The following CACNB2 variants were observed in gnomAD, a reference collection of about 807,000 sequenced individuals.
The protein encoded by CACNB2 is calcium voltage-gated channel auxiliary subunit beta 2.
A neutral mutation model predicts 73.3 loss-of-function variants in CACNB2; 42 were observed. The observed-to-expected ratio is 0.57, with a 90% CI of 0.45 to 0.74. The LOEUF is 0.74. CACNB2 is among the 30% of genes least tolerant of loss of function. The probability of loss-of-function intolerance (pLI) is 0.00; values close to 1 mark genes in which losing one functional copy is unlikely to be tolerated. For synonymous variants in CACNB2, 348 were observed against 310.3 expected (o/e 1.12, Z -1.28); for missense variants, 940 against 853.0 (o/e 1.10, Z -1.27).
At chr10:18,174,674 G>C (rs887946878) in intron 2 of CACNB2, among the ~76,000 whole-genome samples, 1 of 152,108 alleles carries the variant, frequency 6.6e-6, no homozygotes, top group Admixed American at 6.5e-5. Context: ...AAAGTGCTGA[G>C]ATTACAGGCG....
At chr10:18,458,318 T>G (rs987530244) in intron 3 of CACNB2, among the ~76,000 whole-genome samples, 1 of 152,222 alleles carries the variant, frequency 6.6e-6, no homozygotes, top group Non-Finnish European at 1.5e-5. Context: ...CTAGGAAATG[T>G]GAAAATTTTA....
At chr10:18,220,152 TATACAC>T (rs1564353413) in intron 2 of CACNB2, among the ~76,000 whole-genome samples, 2 of 36,414 alleles carry the variant, frequency 5.5e-5, no homozygotes, top group Non-Finnish European at 1.1e-4. Context: ...TATATATATA[TATACAC>T]ACACACACAC....
At chr10:18,382,075 A>C (rs2043043139) in intron 2 of CACNB2, among the ~76,000 whole-genome samples, 1 of 152,062 alleles carries the variant, frequency 6.6e-6, no homozygotes, top group Non-Finnish European at 1.5e-5. Context: ...ATGTGTTATA[A>C]ATGATATATG....
chr10:18,508,669 G>C (rs886466702), intron 6 of CACNB2, among the ~76,000 whole-genome samples: 1 of 152,116 alleles, frequency 6.6e-6, no homozygotes, highest in Non-Finnish European at 1.5e-5. Context: ...ACTTATGATA[G>C]AGTTACACTT....
intron 2 of CACNB2, among the ~76,000 whole-genome samples, chr10:18,255,555 A>C (rs997884478): frequency 5.3e-5 from 8 of 152,106 alleles, no homozygotes; most frequent in Non-Finnish European, 1.0e-4. Flanking sequence ...TGGTTGTTTT[A>C]CTTGTCGTTT....
Position 18,308,875 on chromosome 10 carries a change from T to C in CACNB2, c.214-93049T>C, listed in dbSNP as rs1331828641. On this transcript the variant is annotated intron_variant, in intron 2 of 13. Coordinates refer to ENST00000324631, the MANE Select transcript of CACNB2 (RefSeq NM_201596.3). The stretch of plus-strand genomic sequence containing the variant: ...GTATCAAATGTCATCAGCTCACTGA[T>C]GTGTATTTGCTGATGTCAGCCAGAA... 2.6e-5 allele frequency among the ~76,000 whole-genome samples: 4 copies of C among 152,322 alleles called. No individual in the cohort carries two copies. In the South Asian group the frequency reaches 8.3e-4, roughly 32 times the overall value.
chr10:18,527,665 T>A lies in CACNB2; in HGVS notation c.1022T>A (p.Ile341Lys). The A allele has an allele frequency of 1.2e-6, 2 of 1,613,684 alleles. No individual in the cohort carries two copies. The highest frequency in any genetic ancestry group is 1.7e-6 in the Non-Finnish European group (2 of 1,179,722). ...SVLNNPSKHA[I>K]IERSNTRSSL... ...TTAAACAATCCCAGTAAGCACGCAA[T>A]AATAGAAAGATCCAACACAAGGTCA... The change falls in exon 10 of 14, where the codon ATA becomes AAA. Residue 341 changes from isoleucine to lysine, a missense_variant. Transcript: ENST00000324631.
At chr10:18,535,323 CA>C (rs1234407893) in intron 11 of CACNB2, among the ~76,000 whole-genome samples, 32 of 152,220 alleles carry the variant, frequency 2.1e-4, no homozygotes, top group African/African-American at 7.5e-4. Context: ...TTCTCAATTA[CA>C]AATCTGTAGG....
intron 2 of CACNB2, among the ~76,000 whole-genome samples, chr10:18,355,544 G>A (rs974715204): frequency 2.6e-5 from 4 of 151,752 alleles, no homozygotes; most frequent in African/African-American, 9.7e-5. Flanking sequence ...CAGAGCTGCT[G>A]CTAACATTCA....
chr10:18,425,787 A>G (rs1417268264), intron 3 of CACNB2, among the ~76,000 whole-genome samples: 1 of 152,164 alleles, frequency 6.6e-6, no homozygotes, highest in African/African-American at 2.4e-5. Flanking sequence ...TAATTCCTCG[A>G]TCTTTCTGGA....
chr10:18,261,225 G>A (rs1034067637), intron 2 of CACNB2: 4 of 1,550,284 alleles, frequency 2.6e-6, no homozygotes, highest in African/African-American at 2.7e-5. Context: ...AAGGCACAGT[G>A]CAGCTTGGTG....
chr10:18,441,102 A>G (rs138070413), intron 3 of CACNB2, among the ~76,000 whole-genome samples: 195 of 152,204 alleles, frequency 1.3e-3, no homozygotes, highest in African/African-American at 4.4e-3. Flanking sequence ...CTCAGTCCTT[A>G]CTCCAGTTTA....
At chr10:18,170,023 T>C (rs1304433834) in intron 2 of CACNB2, among the ~76,000 whole-genome samples, 4 of 152,222 alleles carry the variant, frequency 2.6e-5, no homozygotes, top group African/African-American at 9.6e-5. Flanking sequence ...CCAACAGCTT[T>C]AGGCCCACTT....
chr10:18,533,888 C>A (rs1416367992), intron 10 of CACNB2, among the ~76,000 whole-genome samples, 188 bp from the exon 11 acceptor site: 2 of 152,144 alleles, frequency 1.3e-5, no homozygotes, highest in African/African-American at 4.8e-5. Flanking sequence ...TCCTTAAATC[C>A]TAATGATGTG....
At chr10:18,449,058 G>A (rs999035807) in intron 3 of CACNB2, among the ~76,000 whole-genome samples, 3 of 152,102 alleles carry the variant, frequency 2.0e-5, no homozygotes, top group Admixed American at 6.6e-5. Flanking sequence ...ATGGTGTTGG[G>A]GCAGCAGAGC....
At chr10:18,399,988 C>A (rs1241876915) in intron 2 of CACNB2, among the ~76,000 whole-genome samples, 1 of 152,188 alleles carries the variant, frequency 6.6e-6, no homozygotes, top group Non-Finnish European at 1.5e-5. Flanking sequence ...TTTGAAATTT[C>A]CTTGTAAGTA....
intron 2 of CACNB2, among the ~76,000 whole-genome samples, chr10:18,267,650 C>G (rs1163142370): frequency 6.6e-6 from 1 of 152,098 alleles, no homozygotes; most frequent in Admixed American, 6.6e-5. Context: ...GGTAAACTTT[C>G]ATATAAACAT....
chr10:18,151,501 G>A (rs140305489), intron 2 of CACNB2, among the ~76,000 whole-genome samples: 210 of 152,192 alleles, frequency 1.4e-3, no homozygotes, highest in Middle Eastern at 3.4e-3. Flanking sequence ...CATAGCCTTC[G>A]TCTCATTTAA....
chr10:18,149,037 T>A (rs895096257), intron 1 of CACNB2, among the ~76,000 whole-genome samples: 1 of 151,546 alleles, frequency 6.6e-6, no homozygotes, highest in Non-Finnish European at 1.5e-5. Context: ...TGAGATTATA[T>A]TTTGTCTTTG....
Sources: gnomAD v4.1 joint callset for allele counts (sites outside exome capture counted in the v4.1 genomes callset) on GRCh38, gnomAD v4.1.1 for gene constraint, MANE v1.5 for transcripts, NCBI Gene and HGNC (gene_info 2026-07-23, HGNC 2026-07-21) for gene names.